IL1RAPL2: variants seen among roughly 807,000 people sequenced by gnomAD.
The protein encoded by IL1RAPL2 is interleukin 1 receptor accessory protein like 2.
In IL1RAPL2, 3 loss-of-function variants were observed where a neutral mutation model predicts 44.1. The observed-to-expected ratio is 0.07, with a 90% CI of 0.03 to 0.18. The LOEUF is 0.18. Ranked by LOEUF, IL1RAPL2 falls within the 10% of genes least tolerant of loss-of-function variation. The probability of loss-of-function intolerance (pLI) is 1.00; values close to 1 mark genes in which losing one functional copy is unlikely to be tolerated. For synonymous variants in IL1RAPL2, 181 were observed against 178.8 expected (o/e 1.01, Z -0.10); for missense variants, 391 against 496.4 (o/e 0.79, Z 2.02).
At chrX:105,606,586 A>G (rs768457765) in intron 6 of IL1RAPL2, among the ~76,000 whole-genome samples, 5 of 111,804 alleles carry the variant, frequency 4.5e-5, no homozygotes, top group African/African-American at 1.6e-4. Context: ...AATGTATCAA[A>G]GAGATATTTA....
intron 6 of IL1RAPL2, among the ~76,000 whole-genome samples, chrX:105,646,774 GC>G (rs1486384659): frequency 1.8e-5 from 2 of 111,920 alleles, no homozygotes; most frequent in Non-Finnish European, 3.8e-5. Flanking sequence ...TTGAGTGACA[GC>G]CCCAGCTGCT....
At chrX:105,588,441 G>T (rs555760115) in intron 6 of IL1RAPL2, among the ~76,000 whole-genome samples, 1 of 111,413 alleles carries the variant, frequency 9.0e-6, no homozygotes, top group South Asian at 3.8e-4. Flanking sequence ...TGTTATCCAG[G>T]CAAATTGCAC....
At chrX:104,874,151 A>T (rs1292721613) in intron 2 of IL1RAPL2, among the ~76,000 whole-genome samples, 1 of 110,428 alleles carries the variant, frequency 9.1e-6, no homozygotes, top group Non-Finnish European at 1.9e-5. Flanking sequence ...AATTAGCTGG[A>T]TCCAAATATA....
chrX:104,905,833 C>A (rs1422696584), intron 2 of IL1RAPL2, among the ~76,000 whole-genome samples: 1 of 110,947 alleles, frequency 9.0e-6, no homozygotes, highest in African/African-American at 3.3e-5. Flanking sequence ...TTTTCCAATT[C>A]TGTGAAGAAA....
chrX:105,559,975 C>T (rs902934236), intron 6 of IL1RAPL2, among the ~76,000 whole-genome samples: 3 of 111,797 alleles, frequency 2.7e-5, no homozygotes, highest in Non-Finnish European at 1.9e-5. Flanking sequence ...GGGCTTAGAT[C>T]CCAATCTTTG....
chrX:104,927,935 A>G (rs963184043), intron 2 of IL1RAPL2, among the ~76,000 whole-genome samples: 3 of 112,368 alleles, frequency 2.7e-5, no homozygotes, highest in African/African-American at 9.7e-5. Flanking sequence ...TAGCATTCCC[A>G]TCACAAGGTG....
chrX:105,474,253 C>T (rs1191469915), intron 5 of IL1RAPL2, among the ~76,000 whole-genome samples: 1 of 111,561 alleles, frequency 9.0e-6, no homozygotes, highest in African/African-American at 3.3e-5. Context: ...TGCAGACAGA[C>T]TCTAGAAGGT....
intron 5 of IL1RAPL2, among the ~76,000 whole-genome samples, chrX:105,455,511 AG>A (rs1307105900): frequency 4.5e-5 from 5 of 112,192 alleles, no homozygotes; most frequent in African/African-American, 1.6e-4. Flanking sequence ...GGTGAAAGGT[AG>A]GGGTCCAGTT....
intron 5 of IL1RAPL2, among the ~76,000 whole-genome samples, chrX:105,367,577 TAAC>T (rs1348839730): frequency 1.8e-5 from 2 of 111,923 alleles, no homozygotes; most frequent in African/African-American, 6.5e-5. Flanking sequence ...GTTATACTAA[TAAC>T]AGAATATTTT....
intron 5 of IL1RAPL2, among the ~76,000 whole-genome samples, chrX:105,382,565 T>A (rs1172571880): frequency 4.8e-5 from 5 of 103,577 alleles, no homozygotes; most frequent in Non-Finnish European, 9.6e-5. Context: ...AGTGTGGCGA[T>A]TCCTCAGGGA....
chrX:104,816,629 T>C (rs1344552667), intron 2 of IL1RAPL2, among the ~76,000 whole-genome samples: 1 of 112,336 alleles, frequency 8.9e-6, no homozygotes, highest in Non-Finnish European at 1.9e-5. Flanking sequence ...GATAGTCAAA[T>C]GTCGTGATGG....
chrX:105,196,778 G>A (rs1328365587), intron 3 of IL1RAPL2, among the ~76,000 whole-genome samples: 4 of 111,468 alleles, frequency 3.6e-5, no homozygotes, highest in Non-Finnish European at 7.5e-5. Context: ...AATAGAGACT[G>A]GATTAGGTAT....
At chrX:104,950,564 C>T (rs963117390) in intron 2 of IL1RAPL2, among the ~76,000 whole-genome samples, 1 of 112,626 alleles carries the variant, frequency 8.9e-6, no homozygotes, top group African/African-American at 3.2e-5. Flanking sequence ...GCGCCCCTCC[C>T]CCAGCCTGGC....
At chrX:105,099,873 C>T (rs1263815838) in intron 2 of IL1RAPL2, among the ~76,000 whole-genome samples, 1 of 110,424 alleles carries the variant, frequency 9.1e-6, no homozygotes, top group Admixed American at 9.6e-5. Context: ...ACACCTCCTA[C>T]CAGGTCCTAC....
chrX:105,323,533 C>T (rs1362899298), intron 5 of IL1RAPL2, among the ~76,000 whole-genome samples: 1 of 111,259 alleles, frequency 9.0e-6, no homozygotes, highest in African/African-American at 3.3e-5. Flanking sequence ...ACTTGAGAGA[C>T]AGGAATCAGA....
intron 7 of IL1RAPL2, among the ~76,000 whole-genome samples, chrX:105,730,267 A>C (rs948865003): frequency 9.0e-6 from 1 of 111,064 alleles, no homozygotes; most frequent in African/African-American, 3.3e-5. Context: ...AAAAGAGACA[A>C]AGAAGGTCAT....
intron 2 of IL1RAPL2, among the ~76,000 whole-genome samples, chrX:105,186,421 G>T (rs1311006471): frequency 8.9e-6 from 1 of 111,869 alleles, no homozygotes; most frequent in East Asian, 2.8e-4. Flanking sequence ...TGGGAAAAAT[G>T]GTATGAGGAT....
At chrX:104,732,370 A>G (rs1931936866) in intron 2 of IL1RAPL2, among the ~76,000 whole-genome samples, 1 of 112,126 alleles carries the variant, frequency 8.9e-6, no homozygotes, top group Non-Finnish European at 1.9e-5. Flanking sequence ...GCATACCAAA[A>G]TAAACTTATT....
chrX:105,172,915 T>A (rs1371421293), intron 2 of IL1RAPL2, among the ~76,000 whole-genome samples: 1 of 111,312 alleles, frequency 9.0e-6, no homozygotes, highest in Non-Finnish European at 1.9e-5. Flanking sequence ...ACTCACCCCA[T>A]ATTCTTAGCC....
Sources: gnomAD v4.1 joint callset for allele counts (sites outside exome capture counted in the v4.1 genomes callset) on GRCh38, gnomAD v4.1.1 for gene constraint, MANE v1.5 for transcripts, NCBI Gene and HGNC (gene_info 2026-07-23, HGNC 2026-07-21) for gene names.